Variants in DIP2B observed in about 807,000 individuals in gnomAD.
DIP2B encodes the protein disco-interacting protein 2 homolog B.
DIP2B carries 76 observed loss-of-function variants against 198.0 expected under a neutral mutation model. The ratio of observed to expected loss-of-function variants is 0.38; its 90% CI spans 0.32 to 0.46. The LOEUF is 0.46. Among genes scored for constraint, DIP2B ranks in the 20% least tolerant of loss-of-function variants. DIP2B has a pLI of 0.99. For missense variants in DIP2B, 1,559 were observed against 1,978.4 expected, an observed-to-expected ratio of 0.79 and a Z score of 4.02; for synonymous variants, 701 against 739.1, an observed-to-expected ratio of 0.95 and a Z score of 0.84.
chr12:50,694,950 TATG>T (rs1475443059), intron 14 of DIP2B, among the ~76,000 whole-genome samples: 1 of 152,158 alleles, frequency 6.6e-6, no homozygotes, highest in Non-Finnish European at 1.5e-5. Context: ...ATATGTATAA[TATG>T]ATGTCTTTTA....
chr12:50,623,973 G>A (rs1215821850), intron 1 of DIP2B, among the ~76,000 whole-genome samples: 1 of 152,130 alleles, frequency 6.6e-6, no homozygotes, highest in Non-Finnish European at 1.5e-5. Context: ...GATATAGATG[G>A]TCTATAATAT....
chr12:50,660,433 G>A, intron 4 of DIP2B, 114 bp downstream of exon 4: 1 of 1,215,416 alleles, frequency 8.2e-7, no homozygotes, highest in Non-Finnish European at 1.1e-6. Context: ...GCCATTAGAG[G>A]AATGTAAGAG....
At chr12:50,532,060 C>T (rs1313676035) in intron 1 of DIP2B, among the ~76,000 whole-genome samples, 3 of 152,098 alleles carry the variant, frequency 2.0e-5, no homozygotes, top group African/African-American at 7.2e-5. Context: ...ACCCTAAGTG[C>T]TGCTGGAGTG....
At chr12:50,625,860 A>T (rs1281309126) in intron 1 of DIP2B, 116 bp from the exon 2 acceptor site, 3 of 1,053,208 alleles carry the variant, frequency 2.8e-6, no homozygotes, top group Non-Finnish European at 4.2e-6. Flanking sequence ...TCCCCCCCCC[A>T]ACCCCCTGCC....
Position 50,621,733 on chromosome 12 carries a change from C to T in DIP2B, c.101-4243C>T, listed in dbSNP as rs114362692. Among the ~76,000 whole-genome samples, 123 of 152,264 alleles carry T rather than the reference C, an allele frequency of 8.1e-4. 1 individual carries two copies. Among genetic ancestry groups the T allele is most frequent in the African/African-American group, 2.8e-3 (116 of 41,552 alleles). On this transcript the variant is annotated intron_variant, in intron 1 of 37. Transcript: ENST00000301180. ...AGTGGAAGGCATCACAGAGGGGTGA[C>T]TTTTGAGCACAGGGTCTTGTAGTCA... is the stretch of plus-strand genomic sequence containing the variant.
intron 22 of DIP2B, among the ~76,000 whole-genome samples, chr12:50,712,213 T>C (rs1346935966): frequency 6.6e-6 from 1 of 152,108 alleles, no homozygotes; most frequent in Non-Finnish European, 1.5e-5. Context: ...ATGTTTGACC[T>C]TTATAACTGT....
At chr12:50,663,872 T>TAAAA (rs397934701) in intron 4 of DIP2B, among the ~76,000 whole-genome samples, 1 of 104,814 alleles carries the variant, frequency 9.5e-6, no homozygotes, top group Non-Finnish European at 1.9e-5. Flanking sequence ...CCCATCTCTT[T>TAAAA]AAAAAAAAAA....
intron 1 of DIP2B, among the ~76,000 whole-genome samples, chr12:50,515,034 CCT>C (rs1246042220): frequency 6.6e-6 from 1 of 151,990 alleles, no homozygotes; most frequent in East Asian, 1.9e-4. Flanking sequence ...ATGTGCTGGC[CCT>C]CTCTCCCTCT....
At position 50,680,567 on chromosome 12, in the gene DIP2B, T is replaced by G. The variant is rs994042363; in HGVS notation, c.1115-105T>G. 3 of 971,626 alleles carry G rather than the reference T, an allele frequency of 3.1e-6. No individual in the cohort carries two copies. The African/African-American group carries it at 4.9e-5, about 16-fold the overall frequency. The allele number at this position is 971,626 out of a possible 1,614,324, so 60.2% of individuals were successfully genotyped here. A position where few individuals can be genotyped will look rare whatever the true frequency, so the allele number is the denominator to read the frequency against. On this transcript the variant is annotated intron_variant, in intron 8 of 37. Coordinates refer to ENST00000301180, the MANE Select transcript of DIP2B (RefSeq NM_173602.3). Reference sequence around the variant, plus strand: ...ACTCATCTAACCCATCATTTGGAAGTGGCCATTGTCTCATTAACTACACTG... The same window carrying G: ...ACTCATCTAACCCATCATTTGGAAGGGGCCATTGTCTCATTAACTACACTG...
intron 1 of DIP2B, among the ~76,000 whole-genome samples, chr12:50,532,097 C>T (rs1195243006): frequency 6.6e-6 from 1 of 152,152 alleles, no homozygotes; most frequent in Admixed American, 6.5e-5. Context: ...GGAATGACTC[C>T]TTTTCTGCTG....
chr12:50,574,814 T>C (rs1158594438), intron 1 of DIP2B, among the ~76,000 whole-genome samples: 1 of 152,220 alleles, frequency 6.6e-6, no homozygotes, highest in East Asian at 1.9e-4. Flanking sequence ...AGCAAACCTT[T>C]GTTTTAGGGA....
intron 3 of DIP2B, among the ~76,000 whole-genome samples, chr12:50,648,386 C>T (rs1037437839): frequency 6.6e-6 from 1 of 151,872 alleles, no homozygotes; most frequent in South Asian, 2.1e-4. Flanking sequence ...TTTTTTGAGA[C>T]GGAGTCTCGC....
intron 19 of DIP2B, 56 bp from the exon 20 acceptor site, chr12:50,704,084 A>T: frequency 6.7e-7 from 1 of 1,500,526 alleles, no homozygotes; most frequent in Non-Finnish European, 9.2e-7. Flanking sequence ...TTTAAAAATC[A>T]CATATACTTT....
chr12:50,624,760 A>C (rs982773220), intron 1 of DIP2B, among the ~76,000 whole-genome samples: 1 of 152,164 alleles, frequency 6.6e-6, no homozygotes, highest in African/African-American at 2.4e-5. Context: ...GTAGCACTGG[A>C]CCAACATCTA....
Position 50,640,083 on chromosome 12 carries a change from C to T in DIP2B, c.173-641C>T, listed in dbSNP as rs961756745. On this transcript the variant is annotated intron_variant, in intron 2 of 37. Coordinates refer to ENST00000301180, the MANE Select transcript of DIP2B (RefSeq NM_173602.3). Reference sequence around the variant, plus strand: ...CTCAAAATTTTGTTAACGTACATCTCGTTAAGTTTTTTTATTGTAATTTTT... The same window carrying T: ...CTCAAAATTTTGTTAACGTACATCTTGTTAAGTTTTTTTATTGTAATTTTT... Among the ~76,000 whole-genome samples the T allele has an allele frequency of 1.3e-5, 2 of 151,974 alleles. 1 individual carries two copies. Among genetic ancestry groups the T allele is most frequent in the East Asian group, 3.9e-4 (2 of 5,188 alleles).
At chr12:50,589,984 TTCTCTC>T (rs138570603) in intron 1 of DIP2B, among the ~76,000 whole-genome samples, 1 of 150,568 alleles carries the variant, frequency 6.6e-6, no homozygotes, top group Non-Finnish European at 1.5e-5. Flanking sequence ...CATTTCCTGT[TTCTCTC>T]TCTCTCTCTC....
In DIP2B at chr12:50,505,052, G is replaced by C. The variant is rs1957953837; in HGVS notation, c.-89G>C. On this transcript the variant is annotated 5_prime_UTR_variant, in exon 1 of 38. Coordinates refer to ENST00000301180, the MANE Select transcript of DIP2B (RefSeq NM_173602.3). ...CTGGTGGTGCTCGGCGGCCGGAGCC[G>C]GATCCTGTAGCCGGGTGTGGGCCCG... 6 of 1,237,726 alleles carry C rather than the reference G, an allele frequency of 4.8e-6. No homozygotes were observed. The highest frequency in any genetic ancestry group is 5.6e-6 in the Non-Finnish European group (5 of 896,594). 76.7% of individuals were successfully genotyped at this position (1,237,726 alleles called of 1,614,324 possible).
At chr12:50,738,169 G>T (rs1472970093) in intron 35 of DIP2B, among the ~76,000 whole-genome samples, 1 of 151,942 alleles carries the variant, frequency 6.6e-6, no homozygotes, top group Non-Finnish European at 1.5e-5. Context: ...AGGAAACTCC[G>T]TCTCTACTAA....
At chr12:50,625,590 C>T (rs994699199) in intron 1 of DIP2B, among the ~76,000 whole-genome samples, 4 of 152,154 alleles carry the variant, frequency 2.6e-5, no homozygotes, top group African/African-American at 7.2e-5. Flanking sequence ...AAGTGAATAC[C>T]TCAGAAACCA....
Sources: allele counts gnomAD v4.1 joint callset (sites outside exome capture counted in the v4.1 genomes callset), GRCh38; gene constraint gnomAD v4.1.1; transcripts MANE v1.5; gene names NCBI Gene and HGNC (gene_info 2026-07-23, HGNC 2026-07-21).